SMIM14: variants seen among roughly 807,000 people sequenced by gnomAD.
SMIM14 encodes chromosome 4 open reading frame 34.
SMIM14 carries 5 observed loss-of-function variants against 12.6 expected under a neutral mutation model. The observed-to-expected ratio is 0.40, with a 90% CI of 0.21 to 0.83. The LOEUF (loss-of-function observed/expected upper bound fraction) is 0.83. SMIM14 is among the 40% of genes least tolerant of loss of function. The pLI, the probability that SMIM14 is intolerant of heterozygous loss-of-function variation, is 0.37. For synonymous variants in SMIM14, 30 were observed against 40.1 expected (o/e 0.75, Z 0.95); for missense variants, 86 against 119.1 (o/e 0.72, Z 1.29).
At chr4:39,615,540 T>A (rs1267802728) in intron 1 of SMIM14, among the ~76,000 whole-genome samples, 1 of 152,156 alleles carries the variant, frequency 6.6e-6, no homozygotes, top group African/African-American at 2.4e-5. Flanking sequence ...AACAATGACT[T>A]TTCAATGTTA....
chr4:39,625,868 G>C (rs989791295), intron 1 of SMIM14, among the ~76,000 whole-genome samples: 1 of 152,242 alleles, frequency 6.6e-6, no homozygotes, highest in Non-Finnish European at 1.5e-5. Context: ...GAATACAACA[G>C]GAATATACAG....
intron 2 of SMIM14, among the ~76,000 whole-genome samples, chr4:39,604,767 C>T (rs781652284): frequency 3.3e-5 from 5 of 151,730 alleles, no homozygotes; most frequent in East Asian, 2.0e-4. Context: ...TGTGCCACCA[C>T]GCCTGGCAAA....
intron 1 of SMIM14, among the ~76,000 whole-genome samples, chr4:39,616,007 G>GTA (rs770455634): frequency 6.6e-6 from 1 of 152,206 alleles, no homozygotes; most frequent in African/African-American, 2.4e-5. Flanking sequence ...TAGTAACATG[G>GTA]TATAGCTAGC....
intron 1 of SMIM14, among the ~76,000 whole-genome samples, chr4:39,633,076 C>G (rs1048550679): frequency 6.7e-6 from 1 of 150,308 alleles, no homozygotes; most frequent in African/African-American, 2.4e-5. Context: ...GGTGGATCAC[C>G]TAAGGTCAGG....
At chr4:39,552,273 A>C in intron 4 of SMIM14, 115 bp from the exon 5 acceptor site, 1 of 743,410 alleles carries the variant, frequency 1.3e-6, no homozygotes, top group Non-Finnish European at 2.1e-6. Context: ...CCAATCTAAC[A>C]CATAGAGAAA....
intron 2 of SMIM14, among the ~76,000 whole-genome samples, chr4:39,601,474 A>G (rs914012957): frequency 1.4e-4 from 22 of 152,366 alleles, no homozygotes; most frequent in Non-Finnish European, 2.8e-4. Context: ...CAGTAACTAC[A>G]TCTGTGAGTT....
At chr4:39,595,149 CA>C (rs1346787841) in intron 2 of SMIM14, among the ~76,000 whole-genome samples, 3 of 143,108 alleles carry the variant, frequency 2.1e-5, no homozygotes, top group Non-Finnish European at 4.6e-5. Flanking sequence ...GACTCGGAAC[CA>C]ACCCAAATGT....
intron 2 of SMIM14, among the ~76,000 whole-genome samples, chr4:39,576,963 G>A (rs1384474279): frequency 6.6e-6 from 1 of 150,924 alleles, no homozygotes; most frequent in East Asian, 2.0e-4. Flanking sequence ...TGCCCGCCTC[G>A]GCCTCCCAAA....
intron 3 of SMIM14, among the ~76,000 whole-genome samples, chr4:39,559,915 G>A (rs1352654668): frequency 6.6e-6 from 1 of 151,372 alleles, no homozygotes; most frequent in East Asian, 1.9e-4. Context: ...TCAGGAGTTT[G>A]AGACCAGCCT....
chr4:39,584,793 C>CAAAAAAAAAAAAA (rs34970724), intron 2 of SMIM14, among the ~76,000 whole-genome samples: 2 of 76,310 alleles, frequency 2.6e-5, no homozygotes, highest in East Asian at 3.8e-4. Flanking sequence ...AGGACCTTGT[C>CAAAAAAAAAAAAA]AAAAAAAAAA....
chr4:39,605,231 T>C lies in SMIM14; in HGVS notation c.-35-51A>G, dbSNP rs1230994985. ...AAGTCTACAATTCAGAATTACTCTT[T>C]CTCTTGAGCTATGAAAAATTCTGAT... On this transcript the variant is annotated intron_variant, in intron 1 of 4. Coordinates refer to ENST00000295958, the MANE Select transcript of SMIM14 (RefSeq NM_174921.3). 7.8e-6 allele frequency: 8 copies of C among 1,025,824 alleles called. No individual in the cohort carries two copies. In the East Asian group the frequency reaches 1.7e-4, roughly 22 times the overall value. The allele number at this position is 1,025,824 out of a possible 1,614,324, so 63.5% of individuals were successfully genotyped here. A position where few individuals can be genotyped will look rare whatever the true frequency, so the allele number is the denominator to read the frequency against.
chr4:39,567,609 C>A (rs1039696760), intron 3 of SMIM14, among the ~76,000 whole-genome samples: 1 of 151,862 alleles, frequency 6.6e-6, no homozygotes, highest in African/African-American at 2.4e-5. Context: ...TGGTGGCAGG[C>A]GCCTATAATC....
At position 39,576,658 on chromosome 4, in the gene SMIM14, G is replaced by GTATATATATATATATATATATA. The variant is rs1390098435; in HGVS notation, c.76-4196_76-4195insTATATATATATATATATATATA. Among the ~76,000 whole-genome samples the GTATATATATATATATATATATA allele has an allele frequency of 1.5e-3, 60 of 40,412 alleles. 10 individuals are homozygous for GTATATATATATATATATATATA. Among genetic ancestry groups the GTATATATATATATATATATATA allele is most frequent in the East Asian group, 2.5e-3 (3 of 1,206 alleles). 26.5% of individuals were successfully genotyped at this position (40,412 alleles called of 152,430 possible). A position where few individuals can be genotyped will look rare whatever the true frequency, so the allele number is the denominator to read the frequency against. On this transcript the variant is annotated intron_variant, in intron 2 of 4. Transcript: ENST00000295958. The stretch of plus-strand genomic sequence containing the variant: ...AACTTATACCTATGTGTGTGTGTAT[G>GTATATATATATATATATATATA]TGTATATATATATATATATATATAT...
At chr4:39,601,820 G>A (rs1478737373) in intron 2 of SMIM14, among the ~76,000 whole-genome samples, 2 of 151,926 alleles carry the variant, frequency 1.3e-5, no homozygotes, top group African/African-American at 4.8e-5. Context: ...GGTGGTGCAT[G>A]CCTGTAATCC....
intron 2 of SMIM14, among the ~76,000 whole-genome samples, chr4:39,589,280 T>G (rs1578337341): frequency 1.3e-5 from 2 of 152,248 alleles, no homozygotes; most frequent in Middle Eastern, 6.8e-3. Flanking sequence ...AGAGATGAGT[T>G]TTCACCATGT....
intron 1 of SMIM14, among the ~76,000 whole-genome samples, chr4:39,631,381 G>A (rs896874882): frequency 6.6e-6 from 1 of 151,010 alleles, no homozygotes; most frequent in East Asian, 2.0e-4. Context: ...TGTTGTGGCC[G>A]GGTGCAGTGG....
At chr4:39,630,818 T>C (rs1014229662) in intron 1 of SMIM14, among the ~76,000 whole-genome samples, 3 of 146,776 alleles carry the variant, frequency 2.0e-5, no homozygotes, top group South Asian at 2.2e-4. Context: ...GCCGAGACTA[T>C]GCTCTGTGCC....
chr4:39,607,781 CTGTT>C (rs372726290), intron 1 of SMIM14, among the ~76,000 whole-genome samples: 155 of 152,194 alleles, frequency 1.0e-3, no homozygotes, highest in Middle Eastern at 3.4e-3. Context: ...TGCAAATCAT[CTGTT>C]TGATAAAGGT....
chr4:39,627,537 T>C (rs537183008), intron 1 of SMIM14, among the ~76,000 whole-genome samples: 4 of 152,320 alleles, frequency 2.6e-5, no homozygotes, highest in Admixed American at 2.0e-4. Flanking sequence ...TTTTAAACAG[T>C]TGCGCAAAGA....
Sources: gnomAD v4.1 joint callset for allele counts (sites outside exome capture counted in the v4.1 genomes callset) on GRCh38, gnomAD v4.1.1 for gene constraint, MANE v1.5 for transcripts, NCBI Gene and HGNC (gene_info 2026-07-23, HGNC 2026-07-21) for gene names.